SLC25A26: variants seen among roughly 807,000 people sequenced by gnomAD.
The protein encoded by SLC25A26 is solute carrier family 25 member 26, also known as mitochondrial S-adenosylmethionine carrier protein.
In SLC25A26, 36 loss-of-function variants were observed where a neutral mutation model predicts 37.8. The observed-to-expected ratio is 0.95, with a 90% CI of 0.73 to 1.26. SLC25A26 has a LOEUF of 1.26. Among genes scored for constraint, SLC25A26 ranks in the 50% most tolerant of loss-of-function variants. The probability of loss-of-function intolerance (pLI) is 0.00; values close to 1 mark genes in which losing one functional copy is unlikely to be tolerated. For missense variants in SLC25A26, 390 were observed against 331.1 expected, an observed-to-expected ratio of 1.18 and a Z score of -1.38; for synonymous variants, 129 against 122.5, an observed-to-expected ratio of 1.05 and a Z score of -0.35.
chr3:66,293,777 T>G (rs1303983419), intron 5 of SLC25A26, among the ~76,000 whole-genome samples: 2 of 152,188 alleles, frequency 1.3e-5, no homozygotes, highest in African/African-American at 4.8e-5. Flanking sequence ...ATTTCCTTTA[T>G]CCAGTGTTTT....
intron 5 of SLC25A26, among the ~76,000 whole-genome samples, chr3:66,264,637 A>G (rs1240137362): frequency 6.6e-6 from 1 of 152,204 alleles, no homozygotes; most frequent in Non-Finnish European, 1.5e-5. Context: ...GAGGTGGAAC[A>G]TCTTAGGTGG....
At chr3:66,264,079 C>A (rs1474532863) in intron 5 of SLC25A26, among the ~76,000 whole-genome samples, 2 of 152,116 alleles carry the variant, frequency 1.3e-5, no homozygotes, top group African/African-American at 2.4e-5. Flanking sequence ...AAGTTCGAAA[C>A]CAACCTGGCC....
chr3:66,312,278 A>G (rs918625303), intron 5 of SLC25A26, among the ~76,000 whole-genome samples: 4 of 152,154 alleles, frequency 2.6e-5, no homozygotes, highest in African/African-American at 9.7e-5. Context: ...CTTTGTTTAC[A>G]CTGTGAGGGG....
At chr3:66,238,435 T>G (rs1200495681) in intron 2 of SLC25A26, among the ~76,000 whole-genome samples, 1 of 152,050 alleles carries the variant, frequency 6.6e-6, no homozygotes, top group Non-Finnish European at 1.5e-5. Context: ...CAGGCTGGAG[T>G]GCAGTGGCGC....
At chr3:66,225,982 A>G (rs920219512) in intron 1 of SLC25A26, among the ~76,000 whole-genome samples, 2 of 152,182 alleles carry the variant, frequency 1.3e-5, no homozygotes, top group Non-Finnish European at 2.9e-5. Context: ...ACTTTCCCAC[A>G]TCTTCCTGTC....
At chr3:66,288,315 G>A (rs1244242089) in intron 5 of SLC25A26, among the ~76,000 whole-genome samples, 1 of 151,980 alleles carries the variant, frequency 6.6e-6, no homozygotes, top group Non-Finnish European at 1.5e-5. Context: ...TGTTGACATT[G>A]GAAAGCATTT....
intron 1 of SLC25A26, among the ~76,000 whole-genome samples, chr3:66,146,150 G>A (rs2070111838): frequency 6.6e-6 from 1 of 152,002 alleles, no homozygotes; most frequent in Non-Finnish European, 1.5e-5. Context: ...GACCAGCCTG[G>A]CCAAAATAGT....
At chr3:66,196,539 A>G (rs1433571567) in intron 1 of SLC25A26, among the ~76,000 whole-genome samples, 1 of 152,190 alleles carries the variant, frequency 6.6e-6, no homozygotes, top group African/African-American at 2.4e-5. Flanking sequence ...TAGATTTGGT[A>G]TTGTTAGAAA....
At chr3:66,198,574 C>T (rs1267228698) in intron 1 of SLC25A26, among the ~76,000 whole-genome samples, 1 of 151,734 alleles carries the variant, frequency 6.6e-6, no homozygotes, top group African/African-American at 2.4e-5. Context: ...GCTGATCCCA[C>T]CCACACCCTC....
rs768205197 is a variant in SLC25A26, at chr3:66,168,198, T to TAC, written c.-354+34215_-354+34216insCA. Reference sequence around the variant, plus strand: ...ATATGTGTGTGTGTATATATATATATATACACACACACACACACATATATA... The same window carrying TAC: ...ATATGTGTGTGTGTATATATATATATACATACACACACACACACACATATATA... On this transcript the variant is annotated intron_variant, in intron 1 of 10. Transcript: ENST00000676754. 5.6e-3 allele frequency among the ~76,000 whole-genome samples: 680 copies of TAC among 122,380 alleles called. 5 individuals are homozygous for TAC. The highest frequency in any genetic ancestry group is 0.021 in the Middle Eastern group (5 of 236). 80.3% of individuals were successfully genotyped at this position (122,380 alleles called of 152,430 possible). A position where few individuals can be genotyped will look rare whatever the true frequency, so the allele number is the denominator to read the frequency against.
At chr3:66,343,976 G>C (rs1023639055) in intron 5 of SLC25A26, among the ~76,000 whole-genome samples, 6 of 152,214 alleles carry the variant, frequency 3.9e-5, no homozygotes, top group East Asian at 3.9e-4. Context: ...TCGACATTCG[G>C]GGGGGCTGGC....
intron 5 of SLC25A26, among the ~76,000 whole-genome samples, chr3:66,265,179 T>G (rs2073695534): frequency 6.6e-6 from 1 of 151,908 alleles, no homozygotes; most frequent in Non-Finnish European, 1.5e-5. Context: ...GGCATGGTGG[T>G]GCCTGTAATC....
chr3:66,368,013 AC>A (rs1375026736), intron 7 of SLC25A26, among the ~76,000 whole-genome samples: 5 of 152,196 alleles, frequency 3.3e-5, no homozygotes, highest in Non-Finnish European at 7.3e-5. Flanking sequence ...CCAGAAATGG[AC>A]CATGAGGGCA....
chr3:66,202,531 G>GAAAA (rs1177179044), intron 1 of SLC25A26, among the ~76,000 whole-genome samples: 6 of 86,528 alleles, frequency 6.9e-5, no homozygotes, highest in Non-Finnish European at 9.5e-5. Context: ...AAAGTAAAAT[G>GAAAA]AAAAAAAAAA....
At chr3:66,211,530 C>T in intron 1 of SLC25A26, among the ~76,000 whole-genome samples, 1 of 152,090 alleles carries the variant, frequency 6.6e-6, no homozygotes, top group African/African-American at 2.4e-5. Context: ...TTGCTGCCTC[C>T]CCCGGTCTTT....
intron 1 of SLC25A26, among the ~76,000 whole-genome samples, chr3:66,191,864 G>T (rs2070948321): frequency 6.6e-6 from 1 of 151,714 alleles, no homozygotes; most frequent in African/African-American, 2.4e-5. Context: ...CCAAGATTGT[G>T]CTACTGCACT....
intron 5 of SLC25A26, among the ~76,000 whole-genome samples, chr3:66,296,375 A>T (rs960092006): frequency 6.6e-6 from 1 of 152,236 alleles, no homozygotes; most frequent in African/African-American, 2.4e-5. Flanking sequence ...TTTATCTCAG[A>T]TACTTAAAAT....
At chr3:66,167,333 T>A (rs1396600711) in intron 1 of SLC25A26, among the ~76,000 whole-genome samples, 1 of 152,112 alleles carries the variant, frequency 6.6e-6, no homozygotes, top group East Asian at 1.9e-4. Flanking sequence ...GGAAATAATC[T>A]GCAACAGGAG....
At chr3:66,304,123 C>T (rs2075150389) in intron 5 of SLC25A26, among the ~76,000 whole-genome samples, 1 of 152,200 alleles carries the variant, frequency 6.6e-6, no homozygotes, top group Admixed American at 6.5e-5. Flanking sequence ...ACGATAATTT[C>T]CCTCTTGATA....
Sources: gnomAD v4.1 joint callset for allele counts (sites outside exome capture counted in the v4.1 genomes callset) on GRCh38, gnomAD v4.1.1 for gene constraint, MANE v1.5 for transcripts, NCBI Gene and HGNC (gene_info 2026-07-23, HGNC 2026-07-21) for gene names.